SIPA1L2: variants seen among roughly 807,000 people sequenced by gnomAD.
SIPA1L2 encodes the protein signal induced proliferation associated 1 like 2.
SIPA1L2 carries 56 observed loss-of-function variants against 163.9 expected under a neutral mutation model. The observed-to-expected ratio is 0.34, with a 90% confidence interval of 0.28 to 0.43. SIPA1L2 has a LOEUF of 0.43. Among genes scored for constraint, SIPA1L2 ranks in the 20% least tolerant of loss-of-function variants. SIPA1L2 has a pLI of 1.00. For synonymous variants in SIPA1L2, 877 were observed against 865.7 expected (o/e 1.01, Z -0.23); for missense variants, 1,974 against 2,193.5 (o/e 0.90, Z 2.00).
intron 19 of SIPA1L2, among the ~76,000 whole-genome samples, chr1:232,410,584 T>G (rs1286495970): frequency 6.6e-6 from 1 of 152,008 alleles, no homozygotes; most frequent in Non-Finnish European, 1.5e-5. Context: ...CATTACTCTT[T>G]GAAACTCTGA....
intron 12 of SIPA1L2, among the ~76,000 whole-genome samples, chr1:232,442,424 T>G (rs887643882): frequency 6.6e-6 from 1 of 151,480 alleles, no homozygotes; most frequent in Non-Finnish European, 1.5e-5. Flanking sequence ...GGCGAGCGCC[T>G]GTAATCCCAG....
chr1:232,623,678 G>A (rs995858528), intron 1 of SIPA1L2, among the ~76,000 whole-genome samples: 3 of 152,040 alleles, frequency 2.0e-5, no homozygotes, highest in Non-Finnish European at 4.4e-5. Flanking sequence ...GAATAGCATC[G>A]CCATTACATT....
At position 232,432,328 on chromosome 1, in the gene SIPA1L2, G is replaced by GCCC; in HGVS notation, c.4172_4174dup (p.Gly1391dup). The GCCC allele has an allele frequency of 6.2e-7, 1 of 1,614,150 alleles. No individual in the cohort carries two copies. Among genetic ancestry groups the GCCC allele is most frequent in the Non-Finnish European group, 8.5e-7 (1 of 1,180,034 alleles). ...CCAGCCGATGACATATTTGTTCACT[G>GCCC]CCCCTTGTCTGTGGTAGGGCTTGGA... is the stretch of plus-strand genomic sequence containing the variant. On this transcript the variant is annotated inframe_insertion, in exon 16 of 23. Transcript: ENST00000674635.
intron 6 of SIPA1L2, among the ~76,000 whole-genome samples, chr1:232,483,183 G>C (rs1665453323): frequency 6.6e-6 from 1 of 151,764 alleles, no homozygotes; most frequent in Admixed American, 6.6e-5. Context: ...ATCCGCCACT[G>C]TACAGCTAGT....
At chr1:232,480,517 T>C (rs1349921402) in intron 6 of SIPA1L2, among the ~76,000 whole-genome samples, 1 of 152,204 alleles carries the variant, frequency 6.6e-6, no homozygotes, top group Non-Finnish European at 1.5e-5. Flanking sequence ...AAACTCCATC[T>C]GTATTATCAA....
intron 18 of SIPA1L2, among the ~76,000 whole-genome samples, chr1:232,424,191 C>T (rs148976678): frequency 1.6e-3 from 249 of 152,058 alleles, no homozygotes; most frequent in Admixed American, 3.2e-3. Flanking sequence ...TGTACCACTG[C>T]CACTCTTTGA....
At chr1:232,409,722 C>A (rs928684650) in intron 19 of SIPA1L2, among the ~76,000 whole-genome samples, 12 of 152,088 alleles carry the variant, frequency 7.9e-5, no homozygotes, top group Non-Finnish European at 1.8e-4. Flanking sequence ...CTCCTTAATG[C>A]TCCAGATCCA....
chr1:232,615,653 C>T (rs1446214706), intron 1 of SIPA1L2, among the ~76,000 whole-genome samples: 3 of 152,226 alleles, frequency 2.0e-5, no homozygotes, highest in African/African-American at 7.2e-5. Context: ...TCTTTTATTA[C>T]ATCCCCTGAT....
chr1:232,609,697 G>A (rs1662140675), intron 1 of SIPA1L2, among the ~76,000 whole-genome samples: 1 of 151,996 alleles, frequency 6.6e-6, no homozygotes, highest in African/African-American at 2.4e-5. Context: ...GGGTGTGGTG[G>A]TGGGTGCCTG....
In SIPA1L2 at chr1:232,597,689, CAAAAAAAAAA is replaced by C. The variant is rs376123118; in HGVS notation, c.-318-23477_-318-23468del. Among the ~76,000 whole-genome samples, 58 of 65,400 alleles carry C rather than the reference CAAAAAAAAAA, an allele frequency of 8.9e-4. 1 individual carries two copies. Among genetic ancestry groups the C allele is most frequent in the African/African-American group, 1.6e-3 (27 of 16,708 alleles). The allele number at this position is 65,400 out of a possible 152,430, so 42.9% of individuals were successfully genotyped here. A position where few individuals can be genotyped will look rare whatever the true frequency, so the allele number is the denominator to read the frequency against. ...TGGGCGACAGAGCGAAACTCTGTCT[CAAAAAAAAAA>C]AAAAAAAAAAAAAAAAGTAACAAGA... On this transcript the variant is annotated intron_variant, in intron 1 of 22. Transcript: ENST00000674635.
In SIPA1L2 at chr1:232,591,044, C is replaced by T. The variant is rs956140652; in HGVS notation, c.-318-16822G>A. ...CACGGCTGATTTCAAGGTGTGTGCC[C>T]ATTTTCCGGAGTGCAGCCAACACAG... is the stretch of plus-strand genomic sequence containing the variant. On this transcript the variant is annotated intron_variant, in intron 1 of 22. Coordinates refer to ENST00000674635, the MANE Select transcript of SIPA1L2 (RefSeq NM_020808.5). Among the ~76,000 whole-genome samples the T allele has an allele frequency of 2.6e-5, 4 of 152,322 alleles. No individual in the cohort carries two copies. In the South Asian group the frequency reaches 8.3e-4, roughly 32 times the overall value.
chr1:232,425,889 T>C, intron 17 of SIPA1L2, 81 bp from the exon 18 acceptor site: 3 of 1,212,198 alleles, frequency 2.5e-6, no homozygotes, highest in Non-Finnish European at 3.5e-6. Flanking sequence ...AGTCCAGTGG[T>C]TTCACATACT....
chr1:232,564,725 AG>A (rs1558271765), intron 2 of SIPA1L2, among the ~76,000 whole-genome samples: 1 of 152,224 alleles, frequency 6.6e-6, no homozygotes, highest in Non-Finnish European at 1.5e-5. Flanking sequence ...TTGTGGGGAC[AG>A]GATGGCAGAA....
chr1:232,443,569 C>G, intron 12 of SIPA1L2, 33 bp downstream of exon 12: 9 of 1,516,792 alleles, frequency 5.9e-6, no homozygotes, highest in South Asian at 1.3e-5. Flanking sequence ...CAGGTTCCTC[C>G]CAGTGGATAA....
chr1:232,411,892 CT>C (rs1175687280), intron 19 of SIPA1L2, among the ~76,000 whole-genome samples: 1 of 152,032 alleles, frequency 6.6e-6, no homozygotes, highest in African/African-American at 2.4e-5. Flanking sequence ...TTGTGTTTTG[CT>C]TCTCTTTTTC....
intron 2 of SIPA1L2, among the ~76,000 whole-genome samples, chr1:232,571,235 A>C (rs1659707683): frequency 6.6e-6 from 1 of 152,366 alleles, no homozygotes; most frequent in South Asian, 2.1e-4. Context: ...TTTAGAACAT[A>C]AACACTAAAA....
chr1:232,492,996 T>C (rs1345881406), intron 4 of SIPA1L2, among the ~76,000 whole-genome samples: 1 of 152,104 alleles, frequency 6.6e-6, no homozygotes, highest in Non-Finnish European at 1.5e-5. Context: ...CCAAATCTCA[T>C]GTCAAATTGG....
At chr1:232,463,018 C>T (rs1664320399) in intron 9 of SIPA1L2, among the ~76,000 whole-genome samples, 1 of 152,172 alleles carries the variant, frequency 6.6e-6, no homozygotes, top group Non-Finnish European at 1.5e-5. Flanking sequence ...GTCTCCAAGC[C>T]AGGACTGGCT....
intron 10 of SIPA1L2, among the ~76,000 whole-genome samples, chr1:232,457,565 T>A (rs1040613866): frequency 6.6e-6 from 1 of 152,212 alleles, no homozygotes; most frequent in African/African-American, 2.4e-5. Context: ...CTGAGAAAGT[T>A]GGAGGTCATT....
Sources: allele counts gnomAD v4.1 joint callset (sites outside exome capture counted in the v4.1 genomes callset), GRCh38; gene constraint gnomAD v4.1.1; transcripts MANE v1.5; gene names NCBI Gene and HGNC (gene_info 2026-07-23, HGNC 2026-07-21).